DLG3: variants seen among roughly 807,000 people sequenced by gnomAD.
DLG3 encodes the protein disks large homolog 3.
DLG3 carries 1 observed loss-of-function variant against 64.1 expected under a neutral mutation model. The ratio of observed to expected loss-of-function variants is 0.02; its 90% CI spans 0.01 to 0.07. The LOEUF (loss-of-function observed/expected upper bound fraction) is 0.07. DLG3 is among the 10% of genes least tolerant of loss of function. DLG3 has a pLI of 1.00. For synonymous variants in DLG3, 245 were observed against 259.8 expected (o/e 0.94, Z 0.55); for missense variants, 429 against 669.5 (o/e 0.64, Z 3.96).
chrX:70,452,555 G>C, intron 7 of DLG3: 2 of 1,166,256 alleles, frequency 1.7e-6, no homozygotes, highest in Non-Finnish European at 2.3e-6. Flanking sequence ...GGTGGGGCCC[G>C]AGAGGCTGGC....
At chrX:70,462,047 C>A (rs926155617) in intron 9 of DLG3, among the ~76,000 whole-genome samples, 27 of 91,637 alleles carry the variant, frequency 2.9e-4, no homozygotes, top group Admixed American at 3.6e-4. Flanking sequence ...TCATCCCCCC[C>A]CCACCGCCCC....
At position 70,495,396 on chromosome X, in the gene DLG3, CTG is replaced by C. The variant is rs1471496316; in HGVS notation, c.1774-9_1774-8del. ...GTCGTCCTCTCTCCGCCCTTGCTGT[CTG>C]TGAAATCAGGACTTCCCGGGGTTAA... On this transcript the variant is annotated splice_polypyrimidine_tract_variant and intron_variant, in intron 12 of 18. Transcript: ENST00000374360. 1 of 1,210,411 alleles carries C rather than the reference CTG, an allele frequency of 8.3e-7. No homozygotes were observed. Among genetic ancestry groups the C allele is most frequent in the Non-Finnish European group, 1.1e-6 (1 of 894,608 alleles).
In DLG3 at chrX:70,473,718, C is replaced by T. The variant is rs566537607; in HGVS notation, c.1406-5432C>T. 5.4e-5 allele frequency among the ~76,000 whole-genome samples: 6 copies of T among 110,481 alleles called. No homozygotes were observed. In the South Asian group the frequency reaches 2.3e-3, roughly 43 times the overall value. ...AAGTGATCCTTCTACCTCAGCCTCT[C>T]GAGTAGCTAGGACTATAGGTGTGCA... On this transcript the variant is annotated intron_variant, in intron 9 of 18. Transcript: ENST00000374360.
At chrX:70,468,994 C>G (rs766005071) in intron 9 of DLG3, among the ~76,000 whole-genome samples, 1 of 110,657 alleles carries the variant, frequency 9.0e-6, no homozygotes, top group African/African-American at 3.3e-5. Context: ...TCATTAGAAA[C>G]TAACCCAAGT....
At chrX:70,473,392 G>GAACT (rs1357406459) in intron 9 of DLG3, among the ~76,000 whole-genome samples, 23 of 109,576 alleles carry the variant, frequency 2.1e-4, no homozygotes, top group African/African-American at 7.7e-4. Flanking sequence ...AACCTTTGTT[G>GAACT]AACTCCACCC....
Sources: gnomAD v4.1 joint callset for allele counts (sites outside exome capture counted in the v4.1 genomes callset) on GRCh38, gnomAD v4.1.1 for gene constraint, MANE v1.5 for transcripts, NCBI Gene and HGNC (gene_info 2026-07-23, HGNC 2026-07-21) for gene names.